The following SEMA4D variants were observed in gnomAD, a reference collection of about 807,000 sequenced individuals.
SEMA4D encodes the protein semaphorin 4D.
In SEMA4D, 22 loss-of-function variants were observed where a neutral mutation model predicts 74.8. The observed-to-expected ratio is 0.29, with a 90% CI of 0.21 to 0.42. SEMA4D has a LOEUF of 0.42. Among genes scored for constraint, SEMA4D ranks in the 10% least tolerant of loss-of-function variants. The pLI is 1.00. For synonymous variants in SEMA4D, 445 were observed against 463.7 expected (o/e 0.96, Z 0.52); for missense variants, 937 against 1,118.4 (o/e 0.84, Z 2.31).
chr9:89,406,950 C>T (rs1257723698), intron 2 of SEMA4D, among the ~76,000 whole-genome samples: 1 of 151,978 alleles, frequency 6.6e-6, no homozygotes, highest in Non-Finnish European at 1.5e-5. Context: ...CCCCATCTAC[C>T]TCTAACCCCA....
intron 1 of SEMA4D, among the ~76,000 whole-genome samples, chr9:89,490,363 CAA>C (rs1248333986): frequency 2.6e-5 from 4 of 152,178 alleles, no homozygotes. Flanking sequence ...AGGAGCTAGA[CAA>C]AAGAGTATGC....
chr9:89,483,396 G>A (rs1022756683), intron 1 of SEMA4D, among the ~76,000 whole-genome samples: 4 of 152,204 alleles, frequency 2.6e-5, no homozygotes, highest in African/African-American at 9.7e-5. Flanking sequence ...GGTAGGCACT[G>A]TGCTGAAGGC....
At chr9:89,451,311 T>C (rs1374784353) in intron 2 of SEMA4D, among the ~76,000 whole-genome samples, 2 of 152,212 alleles carry the variant, frequency 1.3e-5, no homozygotes, top group Admixed American at 1.3e-4. Flanking sequence ...GCCCCTCCCA[T>C]TTTAGGAGCT....
exon 19 of SEMA4D, chr9:89,362,018 G>A: frequency 2.8e-6 from 1 of 357,152 alleles, no homozygotes; most frequent in Non-Finnish European, 5.3e-6. Flanking sequence ...GGAGTCACTG[G>A]GACGGTGTAG....
rs113123075 is a variant in SEMA4D, at chr9:89,426,663, A to C, written c.-243-20964T>G. The stretch of plus-strand genomic sequence containing the variant: ...TGTCTTACCGTCGTGCGCAGACACC[A>C]GGTGCACGCAGCCTCGACCTGATCT... On this transcript the variant is annotated intron_variant, in intron 2 of 15. Transcript: ENST00000422704. 5.7e-3 allele frequency among the ~76,000 whole-genome samples: 875 copies of C among 152,328 alleles called. 7 individuals are homozygous for C. Among genetic ancestry groups the C allele is most frequent in the African/African-American group, 0.02 (831 of 41,568 alleles).
At chr9:89,396,324 A>G (rs1360132072) in intron 6 of SEMA4D, among the ~76,000 whole-genome samples, 1 of 152,184 alleles carries the variant, frequency 6.6e-6, no homozygotes, top group Admixed American at 6.5e-5. Flanking sequence ...CAGAGCTGCC[A>G]GGCTGTCTGT....
intron 2 of SEMA4D, among the ~76,000 whole-genome samples, chr9:89,421,393 C>T (rs1194330607): frequency 1.3e-5 from 2 of 152,248 alleles, no homozygotes; most frequent in Admixed American, 6.5e-5. Context: ...CTACAAAGTA[C>T]ACAGACAGGG....
intron 2 of SEMA4D, chr9:89,450,405 T>C: frequency 1.6e-6 from 2 of 1,213,468 alleles, no homozygotes; most frequent in East Asian, 2.3e-5. Flanking sequence ...TTCAAGAGCA[T>C]GTGAAGATGA....
chr9:89,450,550 T>G (rs947720985), intron 2 of SEMA4D: 63 of 1,082,656 alleles, frequency 5.8e-5, no homozygotes, highest in Non-Finnish European at 8.3e-5. Context: ...AATGGCCCCA[T>G]GCAGATAACC....
Position 89,379,260 on chromosome 9 carries a change from T to C in SEMA4D, c.2033A>G (p.Gln678Arg), listed in dbSNP as rs1407184306. 1 of 1,614,084 alleles carries C rather than the reference T, an allele frequency of 6.2e-7. No individual in the cohort carries two copies. The highest frequency in any genetic ancestry group is 8.5e-7 in the Non-Finnish European group (1 of 1,180,010). The change falls in exon 16 of 16, where the codon CAA becomes CGA. Residue 678 changes from glutamine to arginine, a missense_variant. Coordinates refer to ENST00000422704, the MANE Select transcript of SEMA4D (RefSeq NM_001371194.2). ...IATKVLVAST[Q>R]GSSPPTPAVQ... ...GGCTGGGGTTGGGGGAGAAGACCCT[T>C]GGGTGGATGCCACCAACACTTTGGT...
intron 9 of SEMA4D, among the ~76,000 whole-genome samples, 192 bp from the exon 10 acceptor site, chr9:89,389,239 G>T (rs1229371555): frequency 1.3e-5 from 2 of 152,196 alleles, no homozygotes; most frequent in Non-Finnish European, 2.9e-5. Context: ...TTCCAGCTTG[G>T]ATCCCAGAAC....
intron 8 of SEMA4D, 87 bp from the exon 9 acceptor site, chr9:89,391,502 C>G (rs1839866543): frequency 7.4e-7 from 1 of 1,359,080 alleles, no homozygotes; most frequent in East Asian, 2.3e-5. Flanking sequence ...CCAACACTAC[C>G]TTGGGGGCCT....
intron 3 of SEMA4D, 142 bp from the exon 4 acceptor site, chr9:89,403,158 C>T: frequency 1.1e-6 from 1 of 946,938 alleles, no homozygotes; most frequent in South Asian, 1.6e-5. Context: ...CCATGTGTTG[C>T]TGCAACAGGC....
intron 16 of SEMA4D, among the ~76,000 whole-genome samples, chr9:89,371,268 G>T (rs1404287894): frequency 7.4e-6 from 1 of 135,432 alleles, no homozygotes; most frequent in African/African-American, 2.8e-5. Context: ...GCTGTGGCAT[G>T]TGTGTGGGGT....
rs768867690 is a variant in SEMA4D, at chr9:89,381,330, T to C, written c.1463A>G (p.Tyr488Cys). 2 of 1,491,190 alleles carry C rather than the reference T, an allele frequency of 1.3e-6. No individual in the cohort carries two copies. The highest frequency in any genetic ancestry group is 2.5e-5 in the East Asian group (1 of 40,700). 92.4% of individuals were successfully genotyped at this position (1,491,190 alleles called of 1,614,324 possible). A position where few individuals can be genotyped will look rare whatever the true frequency, so the allele number is the denominator to read the frequency against. Residue 488 changes from tyrosine to cysteine, a missense_variant, in exon 14 of 16, where the codon TAT (tyrosine) becomes TGT (cysteine). Tyr to Cys is a radical substitution (Grantham distance 194). Coordinates refer to ENST00000422704, the MANE Select transcript of SEMA4D (RefSeq NM_001371194.2). The surrounding 1 kb of genome is among the most constrained non-coding windows in gnomAD (Gnocchi z 4.6). Reference protein sequence around the residue: ...LSSKKGNRFVYAGSNSGVVQA... With the variant: ...LSSKKGNRFVCAGSNSGVVQA... ...GACCACGCCCGAGTTAGAGCCAGCA[T>C]AGACAAACCTGTTGCCCTGCGTGTA...
At chr9:89,394,922 T>C (rs1002165491) in intron 6 of SEMA4D, among the ~76,000 whole-genome samples, 8 of 152,204 alleles carry the variant, frequency 5.3e-5, no homozygotes, top group Non-Finnish European at 1.2e-4. Context: ...AAAATGTTAC[T>C]ATTCTTAGGA....
chr9:89,494,530 C>T lies in SEMA4D; in HGVS notation c.-310+3389G>A, dbSNP rs569909991. 2.0e-5 allele frequency among the ~76,000 whole-genome samples: 3 copies of T among 152,346 alleles called. No homozygotes were observed. In the East Asian group the frequency reaches 5.8e-4, roughly 29 times the overall value. ...GAGGGCACATTCTCTATAGTCTACA[C>T]TAAGGAGTGACATTTCTACTTAATA... is the stretch of plus-strand genomic sequence containing the variant. On this transcript the variant is annotated intron_variant, in intron 1 of 15. Coordinates refer to ENST00000422704, the MANE Select transcript of SEMA4D (RefSeq NM_001371194.2).
chr9:89,486,155 C>A (rs1222526427), intron 1 of SEMA4D, among the ~76,000 whole-genome samples: 3 of 152,214 alleles, frequency 2.0e-5, no homozygotes, highest in Admixed American at 6.5e-5. Flanking sequence ...GCCAGAGTTA[C>A]TCCTGAGACA....
chr9:89,377,617 C>T lies in SEMA4D; in HGVS notation c.*1087G>A, dbSNP rs1836015175. 1 of 152,214 alleles carries T rather than the reference C, an allele frequency of 6.6e-6. No homozygotes were observed. Among genetic ancestry groups the T allele is most frequent in the African/African-American group, 2.4e-5 (1 of 41,432 alleles). 9.4% of individuals were successfully genotyped at this position (152,214 alleles called of 1,614,324 possible). On this transcript the variant is annotated 3_prime_UTR_variant, in exon 16 of 16. Transcript: ENST00000422704. ...CCAGTTCCCTTCCAGTAGTGGGCAG[C>T]TCAGTGAGGCTGGATAGAAAGTCTG...
Sources: allele counts gnomAD v4.1 joint callset (sites outside exome capture counted in the v4.1 genomes callset), GRCh38; gene constraint gnomAD v4.1.1; non-coding constraint Gnocchi (gnomAD v3.1); transcripts MANE v1.5; gene names NCBI Gene and HGNC (gene_info 2026-07-23, HGNC 2026-07-21).